The following MYO7B variants were observed in gnomAD, a reference collection of about 807,000 sequenced individuals.
MYO7B encodes unconventional myosin-VIIb.
In MYO7B, 212 loss-of-function variants were observed where a neutral mutation model predicts 259.7. The ratio of observed to expected loss-of-function variants is 0.82; its 90% CI spans 0.73 to 0.91. MYO7B has a LOEUF of 0.91. MYO7B is among the 40% of genes least tolerant of loss of function. The pLI, the probability that MYO7B is intolerant of heterozygous loss-of-function variation, is 0.00. For missense variants in MYO7B, 2,732 were observed against 2,813.5 expected (o/e 0.97, Z 0.66); for synonymous variants, 1,197 against 1,166.4 (o/e 1.03, Z -0.54).
At chr2:127,588,790 G>A (rs1298868240) in intron 15 of MYO7B, among the ~76,000 whole-genome samples, 1 of 146,472 alleles carries the variant, frequency 6.8e-6, no homozygotes, top group East Asian at 2.1e-4. Context: ...GTGGTGGGTG[G>A]GTGGATGGAT....
chr2:127,593,270 G>A (rs1194152032), intron 17 of MYO7B, among the ~76,000 whole-genome samples: 1 of 152,218 alleles, frequency 6.6e-6, no homozygotes, highest in Non-Finnish European at 1.5e-5. Context: ...AGCTACTGGG[G>A]CCCGAGGTTC....
At chr2:127,623,747 C>T (rs1006247344) in intron 29 of MYO7B, among the ~76,000 whole-genome samples, 2 of 152,218 alleles carry the variant, frequency 1.3e-5, no homozygotes, top group African/African-American at 4.8e-5. Flanking sequence ...GTCACACCAG[C>T]ACAGACCCTC....
At chr2:127,635,059 G>GC in intron 42 of MYO7B, 61 bp from the exon 43 acceptor site, 2 of 1,389,244 alleles carry the variant, frequency 1.4e-6, no homozygotes, top group Non-Finnish European at 2.0e-6. Context: ...GGGGTGGCAG[G>GC]GGGTCAGGGC....
chr2:127,580,873 C>G (rs1305736963), intron 10 of MYO7B, 51 bp downstream of exon 10: 2 of 1,539,590 alleles, frequency 1.3e-6, no homozygotes, highest in African/African-American at 2.7e-5. Context: ...CCTCAGAGGC[C>G]TGGGCTGACA....
chr2:127,599,085 C>G lies in MYO7B; in HGVS notation c.2339+2529C>G, dbSNP rs1679871065. 2.0e-5 allele frequency among the ~76,000 whole-genome samples: 3 copies of G among 152,082 alleles called. No individual in the cohort carries two copies. In the South Asian group the frequency reaches 6.2e-4, roughly 31 times the overall value. On this transcript the variant is annotated intron_variant, in intron 19 of 47. Coordinates refer to ENST00000409816, the MANE Select transcript of MYO7B (RefSeq NM_001393586.1). ...CATGTACATATAAAAATAATTTTGTCTATATCTACAAAAAAAACCTTGTTG... is the reference window on the plus strand; with the variant it reads ...CATGTACATATAAAAATAATTTTGTGTATATCTACAAAAAAAACCTTGTTG...
intron 1 of MYO7B, among the ~76,000 whole-genome samples, chr2:127,538,680 C>T (rs1022277294): frequency 6.6e-6 from 1 of 152,064 alleles, no homozygotes; most frequent in African/African-American, 2.4e-5. Flanking sequence ...ATTCTTCCCC[C>T]TCAGCCTCCC....
chr2:127,628,288 C>A lies in MYO7B; in HGVS notation c.4461-84C>A. On this transcript the variant is annotated intron_variant, in intron 33 of 47. Transcript: ENST00000409816. The surrounding 1 kb of genome is among the most constrained non-coding windows in gnomAD (Gnocchi z 4.8). ...TGTCCTCATCTGTGACTCAGGACCC[C>A]CAACCCCACCTCCCGAGGCTGTTTA... is the stretch of plus-strand genomic sequence containing the variant. The A allele has an allele frequency of 6.6e-7, 1 of 1,517,302 alleles. No individual in the cohort carries two copies. Among genetic ancestry groups the A allele is most frequent in the Non-Finnish European group, 8.9e-7 (1 of 1,128,456 alleles). 94.0% of individuals were successfully genotyped at this position (1,517,302 alleles called of 1,614,324 possible).
Position 127,627,032 on chromosome 2 carries a change from G to A in MYO7B, c.4273G>A (p.Ala1425Thr), listed in dbSNP as rs771001591. 13 of 1,610,030 alleles carry A rather than the reference G, an allele frequency of 8.1e-6. No individual in the cohort carries two copies. The highest frequency in any genetic ancestry group is 4.5e-5 in the East Asian group (2 of 44,742). Residue 1425 changes from alanine to threonine, a missense_variant, in exon 32 of 48, where the codon GCC becomes ACC. By Grantham distance (58) the Ala-to-Thr change is moderately conservative (BLOSUM62 0). Around this residue, in one of 3 missense-constraint regions of MYO7B, gnomAD observed 1,906 missense variants for 2,026.4 expected, o/e 0.94. Transcript: ENST00000409816. This position sits in a 1 kb window ranked among gnomAD's most constrained non-coding sequence, Gnocchi z 5.6. Reference protein sequence around the residue: ...PLAVREQVVDAARLQWPLLFS... With the variant: ...PLAVREQVVDTARLQWPLLFS... Reference sequence around the variant, plus strand: ...GGCCGTGCGAGAGCAGGTGGTGGACGCCGCCCGCCTGCAGTGGCCGCTGCT... The same window carrying A: ...GGCCGTGCGAGAGCAGGTGGTGGACACCGCCCGCCTGCAGTGGCCGCTGCT...
chr2:127,576,649 G>C lies in MYO7B; in HGVS notation c.790G>C (p.Ala264Pro), dbSNP rs765763291. The C allele has an allele frequency of 3.7e-6, 6 of 1,612,524 alleles. 1 individual carries two copies. In the South Asian group the frequency reaches 6.6e-5, roughly 18 times the overall value. The change falls in exon 8 of 48, where the codon GCT (alanine) becomes CCT (proline). Residue 264 changes from alanine (A) to proline (P), a missense_variant. By Grantham distance (27) the Ala-to-Pro change is conservative. This residue lies in a region of MYO7B where 1,906 missense variants were observed against 2,026.4 expected (regional missense o/e 0.94). Coordinates refer to ENST00000409816, the MANE Select transcript of MYO7B (RefSeq NM_001393586.1). The surrounding 1 kb of genome is among the most constrained non-coding windows in gnomAD (Gnocchi z 4.9). Reference protein sequence around the residue: ...IFYCMLMGVSAEDKQLLSLGT... With the variant: ...IFYCMLMGVSPEDKQLLSLGT... ...CTACTGCATGCTCATGGGGGTGAGT[G>C]CTGAGGACAAGCAGCTGCTGAGCCT...
At chr2:127,630,660 G>C in intron 35 of MYO7B, 118 bp from the exon 36 acceptor site, 1 of 1,449,152 alleles carries the variant, frequency 6.9e-7, no homozygotes, top group Non-Finnish European at 9.4e-7. Flanking sequence ...GCCCTGGCCT[G>C]TTCAGCCCTG....
intron 1 of MYO7B, among the ~76,000 whole-genome samples, chr2:127,552,223 G>A (rs1237443105): frequency 6.6e-6 from 1 of 152,198 alleles, no homozygotes; most frequent in African/African-American, 2.4e-5. Flanking sequence ...GGTACAGTGA[G>A]GGTGTTTCAA....
At chr2:127,622,622 C>T (rs112782191) in intron 28 of MYO7B, among the ~76,000 whole-genome samples, 16 of 152,334 alleles carry the variant, frequency 1.1e-4, no homozygotes, top group Admixed American at 7.2e-4. Context: ...AGCCTAACCC[C>T]GGCAGGTGCC....
At position 127,559,817 on chromosome 2, in the gene MYO7B, G is replaced by A. The variant is rs113869867; in HGVS notation, c.18+77G>A. On this transcript the variant is annotated intron_variant, in intron 2 of 47. Coordinates refer to ENST00000409816, the MANE Select transcript of MYO7B (RefSeq NM_001393586.1). This position sits in a 1 kb window ranked among gnomAD's most constrained non-coding sequence, Gnocchi z 4.1. ...CCAAGTTGAATCGCTCCCAAGGAAA[G>A]AGAGGAAAGGCAATGAGACCCTATA... The A allele has an allele frequency of 6.5e-6, 10 of 1,526,954 alleles. No individual in the cohort carries two copies. The African/African-American group carries it at 8.2e-5, about 13-fold the overall frequency. The allele number at this position is 1,526,954 out of a possible 1,614,324, so 94.6% of individuals were successfully genotyped here.
Position 127,636,798 on chromosome 2 carries a change from T to G in MYO7B, c.6212T>G (p.Leu2071Arg). Residue 2071 changes from leucine to arginine, a missense_variant, in exon 47 of 48, where the codon CTG becomes CGG. Coordinates refer to ENST00000409816, the MANE Select transcript of MYO7B (RefSeq NM_001393586.1). This position sits in a 1 kb window ranked among gnomAD's most constrained non-coding sequence, Gnocchi z 4.5. ...VLLIHPKTKD[L>R]LTTYPFTKIS... Reference sequence around the variant, plus strand: ...ACCCACCCTCTCTGCCCCCAGGACCTGCTCACCACCTATCCCTTCACCAAG... The same window carrying G: ...ACCCACCCTCTCTGCCCCCAGGACCGGCTCACCACCTATCCCTTCACCAAG... 8.8e-7 allele frequency: 1 copy of G among 1,133,786 alleles called. No homozygotes were observed. Among genetic ancestry groups the G allele is most frequent in the Non-Finnish European group, 1.2e-6 (1 of 801,456 alleles). The allele number at this position is 1,133,786 out of a possible 1,614,324, so 70.2% of individuals were successfully genotyped here.
At chr2:127,566,998 C>T (rs1382224922) in intron 5 of MYO7B, among the ~76,000 whole-genome samples, 171 bp downstream of exon 5, 1 of 152,222 alleles carries the variant, frequency 6.6e-6, no homozygotes, top group African/African-American at 2.4e-5. Flanking sequence ...TCCCCCAAAG[C>T]TTCCTTCCTT....
At chr2:127,616,250 T>C (rs978653723) in intron 26 of MYO7B, among the ~76,000 whole-genome samples, 12 of 152,220 alleles carry the variant, frequency 7.9e-5, no homozygotes, top group African/African-American at 2.9e-4. Flanking sequence ...CAAGCTCTAT[T>C]ACCATGAGAG....
At chr2:127,618,774 T>C (rs1380533109) in intron 26 of MYO7B, among the ~76,000 whole-genome samples, 3 of 152,200 alleles carry the variant, frequency 2.0e-5, no homozygotes. Flanking sequence ...GGGAAAGTTT[T>C]AAGCAAGAGA....
chr2:127,623,522 C>G (rs1680946525), intron 29 of MYO7B, 147 bp downstream of exon 29: 1 of 814,554 alleles, frequency 1.2e-6, no homozygotes, highest in African/African-American at 1.7e-5. Flanking sequence ...TCCCAGCCAC[C>G]AGGCACAGGC....
At chr2:127,612,058 A>C (rs1427622958) in intron 24 of MYO7B, among the ~76,000 whole-genome samples, 192 bp from the exon 25 acceptor site, 1 of 152,108 alleles carries the variant, frequency 6.6e-6, no homozygotes, top group Non-Finnish European at 1.5e-5. Flanking sequence ...CCTGGAAGTG[A>C]GGATGGGACA....
Sources: gnomAD v4.1 joint callset for allele counts (sites outside exome capture counted in the v4.1 genomes callset) on GRCh38, gnomAD v4.1.1 for gene constraint, gnomAD v4.1.1 regional missense constraint, Gnocchi (gnomAD v3.1) non-coding constraint, MANE v1.5 for transcripts, NCBI Gene and HGNC (gene_info 2026-07-23, HGNC 2026-07-21) for gene names.